ANKS1B: variants seen among roughly 807,000 people sequenced by gnomAD.
The protein encoded by ANKS1B is ankyrin repeat and sterile alpha motif domain containing 1B.
Under a neutral mutation model 148.3 loss-of-function variants are expected in ANKS1B, and 36 were observed. The ratio of observed to expected loss-of-function variants is 0.24; its 90% confidence interval spans 0.19 to 0.32. ANKS1B has a LOEUF of 0.32. Ranked by LOEUF, ANKS1B falls within the 10% of genes least tolerant of loss-of-function variation. The probability of loss-of-function intolerance (pLI) is 1.00; values close to 1 mark genes in which losing one functional copy is unlikely to be tolerated. For synonymous variants in ANKS1B, 542 were observed against 560.8 expected (o/e 0.97, Z 0.47); for missense variants, 1,157 against 1,542.6 (o/e 0.75, Z 4.19).
At chr12:98,997,352 T>C (rs1222917540) in intron 17 of ANKS1B, among the ~76,000 whole-genome samples, 1 of 152,006 alleles carries the variant, frequency 6.6e-6, no homozygotes, top group Non-Finnish European at 1.5e-5. Context: ...AGAATTATAA[T>C]TTGTCATTAA....
intron 1 of ANKS1B, among the ~76,000 whole-genome samples, chr12:99,873,659 T>C (rs1408478941): frequency 6.6e-5 from 10 of 152,198 alleles, no homozygotes; most frequent in Non-Finnish European, 1.5e-5. Context: ...TTCAAATCTC[T>C]GTTATTGTGA....
At chr12:98,787,512 T>C (rs1203735016) in intron 22 of ANKS1B, among the ~76,000 whole-genome samples, 2 of 152,196 alleles carry the variant, frequency 1.3e-5, no homozygotes, top group Non-Finnish European at 2.9e-5. Context: ...AAGTCAAGAA[T>C]GGCTAAGTAC....
chr12:98,823,054 C>T (rs964778656), intron 19 of ANKS1B, among the ~76,000 whole-genome samples: 1 of 152,174 alleles, frequency 6.6e-6, no homozygotes, highest in Non-Finnish European at 1.5e-5. Context: ...AAAAGGTGTA[C>T]AATACATCAG....
chr12:99,277,381 G>A (rs1314217447), intron 12 of ANKS1B, among the ~76,000 whole-genome samples: 1 of 152,166 alleles, frequency 6.6e-6, no homozygotes, highest in Non-Finnish European at 1.5e-5. Context: ...TGTTATCAAA[G>A]CTACTTTGGT....
At chr12:99,428,531 G>C (rs1200404106) in intron 11 of ANKS1B, among the ~76,000 whole-genome samples, 2 of 152,188 alleles carry the variant, frequency 1.3e-5, no homozygotes, top group African/African-American at 4.8e-5. Flanking sequence ...GTGTTGTTTA[G>C]ATCGAAATCA....
intron 14 of ANKS1B, among the ~76,000 whole-genome samples, chr12:99,216,279 A>G (rs548648372): frequency 1.3e-5 from 2 of 152,234 alleles, no homozygotes; most frequent in South Asian, 2.1e-4. Flanking sequence ...AGTATGAAAT[A>G]CTCAGGTATT....
At chr12:99,495,383 T>A (rs11109869) in intron 10 of ANKS1B, among the ~76,000 whole-genome samples, 2 of 123,510 alleles carry the variant, frequency 1.6e-5, no homozygotes, top group Non-Finnish European at 3.5e-5. Flanking sequence ...GTGTGTGTAG[T>A]TTATAATATT....
chr12:99,623,219 A>C (rs565430262), intron 9 of ANKS1B, among the ~76,000 whole-genome samples: 4 of 151,936 alleles, frequency 2.6e-5, no homozygotes, highest in Non-Finnish European at 5.9e-5. Flanking sequence ...TGATTAAAAA[A>C]AAATCCATCA....
At chr12:99,288,756 C>T (rs907343893) in intron 12 of ANKS1B, among the ~76,000 whole-genome samples, 4 of 151,968 alleles carry the variant, frequency 2.6e-5, no homozygotes, top group Admixed American at 6.6e-5. Context: ...TCATAAAAAA[C>T]CCTACAACAG....
At chr12:98,822,081 G>A (rs980244044) in intron 19 of ANKS1B, among the ~76,000 whole-genome samples, 3 of 152,066 alleles carry the variant, frequency 2.0e-5, no homozygotes, top group Non-Finnish European at 4.4e-5. Flanking sequence ...AGAGAGCAAT[G>A]CAGCAAAACA....
chr12:99,384,867 T>C (rs77770182), intron 12 of ANKS1B, among the ~76,000 whole-genome samples: 5,269 of 152,284 alleles, frequency 0.035, 123 homozygotes, highest in South Asian at 0.065. Flanking sequence ...GAGCATGTCT[T>C]CCCACTATTA....
intron 9 of ANKS1B, among the ~76,000 whole-genome samples, chr12:98,736,094 G>T (rs113938634): frequency 6.6e-6 from 1 of 152,168 alleles, no homozygotes; most frequent in African/African-American, 2.4e-5. Flanking sequence ...GGGTAGCACC[G>T]GAGGCTGCCT....
At chr12:98,965,009 T>C (rs2099876615) in intron 17 of ANKS1B, among the ~76,000 whole-genome samples, 1 of 152,186 alleles carries the variant, frequency 6.6e-6, no homozygotes. Flanking sequence ...AGGTGATGCA[T>C]ACCCATTTGC....
chr12:99,739,390 C>T (rs2059897520), intron 8 of ANKS1B, among the ~76,000 whole-genome samples: 2 of 150,854 alleles, frequency 1.3e-5, no homozygotes, highest in South Asian at 2.1e-4. Flanking sequence ...AAAAAAAACT[C>T]CATCCAAGAT....
At chr12:99,071,925 A>G (rs1335483493) in intron 16 of ANKS1B, among the ~76,000 whole-genome samples, 1 of 152,128 alleles carries the variant, frequency 6.6e-6, no homozygotes, top group African/African-American at 2.4e-5. Context: ...GATTACAGGT[A>G]TGAGCCACCG....
chr12:99,814,132 G>T (rs1333676505), intron 2 of ANKS1B, among the ~76,000 whole-genome samples: 1 of 151,670 alleles, frequency 6.6e-6, no homozygotes, highest in Non-Finnish European at 1.5e-5. Flanking sequence ...GCCTAGGTGT[G>T]TGACAGGCTA....
chr12:99,921,583 C>T (rs1461641170), intron 1 of ANKS1B, among the ~76,000 whole-genome samples: 1 of 152,082 alleles, frequency 6.6e-6, no homozygotes, highest in Non-Finnish European at 1.5e-5. Context: ...TTCTCACTTC[C>T]CCTGCTCACA....
chr12:99,463,193 C>T (rs969553272), intron 10 of ANKS1B, among the ~76,000 whole-genome samples: 5 of 152,246 alleles, frequency 3.3e-5, no homozygotes, highest in Admixed American at 1.3e-4. Flanking sequence ...CCTTTTGCCT[C>T]AGCTTCTGCT....
At chr12:99,403,618 G>A (rs1315350852) in intron 11 of ANKS1B, among the ~76,000 whole-genome samples, 1 of 145,084 alleles carries the variant, frequency 6.9e-6, no homozygotes, top group Non-Finnish European at 1.5e-5. Flanking sequence ...TTCTTTTGCT[G>A]TACAGAGGCT....
Sources: allele counts gnomAD v4.1 joint callset (sites outside exome capture counted in the v4.1 genomes callset), GRCh38; gene constraint gnomAD v4.1.1; transcripts MANE v1.5; gene names NCBI Gene and HGNC (gene_info 2026-07-23, HGNC 2026-07-21).